The following PACRGL variants were observed in gnomAD, a reference collection of about 807,000 sequenced individuals.
The protein encoded by PACRGL is parkin coregulated like.
In PACRGL, 38 loss-of-function variants were observed where a neutral mutation model predicts 34.5. The ratio of observed to expected loss-of-function variants is 1.10; its 90% confidence interval spans 0.85 to 1.44. The LOEUF is 1.44. Ranked by LOEUF, PACRGL falls within the 40% of genes most tolerant of loss-of-function variation. PACRGL has a pLI of 0.00. For synonymous variants in PACRGL, 128 were observed against 100.1 expected, an observed-to-expected ratio of 1.28 and a Z score of -1.66; for missense variants, 305 against 281.4, an observed-to-expected ratio of 1.08 and a Z score of -0.60.
intron 1 of PACRGL, chr4:20,701,864 C>A (rs764183526): frequency 2.2e-6 from 1 of 456,366 alleles, no homozygotes; most frequent in South Asian, 1.5e-5. Flanking sequence ...TACGGAGAGC[C>A]AACTGTAATT....
At chr4:20,735,076 CA>C (rs1290488472), downstream of PACRGL, among the ~76,000 whole-genome samples, 2 of 151,790 alleles carry the variant, frequency 1.3e-5, no homozygotes, top group Non-Finnish European at 2.9e-5. Flanking sequence ...ATAGTTTTTT[CA>C]AAAAAATACA....
At chr4:20,721,716 G>A (rs1012859970) in intron 7 of PACRGL, among the ~76,000 whole-genome samples, 4 of 152,224 alleles carry the variant, frequency 2.6e-5, no homozygotes, top group Admixed American at 6.5e-5. Context: ...TCGGCCGTGT[G>A]AGGTGTCAGT....
intron 8 of PACRGL, among the ~76,000 whole-genome samples, chr4:20,742,963 A>G (rs1045195712): frequency 6.6e-6 from 1 of 152,126 alleles, no homozygotes; most frequent in South Asian, 2.1e-4. Flanking sequence ...TCCCATTCAC[A>G]ATTGCTTCAA....
downstream of PACRGL, among the ~76,000 whole-genome samples, chr4:20,733,941 A>C (rs1748974237): frequency 6.6e-6 from 1 of 152,056 alleles, no homozygotes. Flanking sequence ...GGCCCTGGGC[A>C]CCTTTTGTCT....
In PACRGL at chr4:20,741,051, G is replaced by A. The variant is rs1010526964; in HGVS notation, c.*57-11514G>A. The stretch of plus-strand genomic sequence containing the variant: ...CCTAAATATATATGCACCAATACAG[G>A]AGCACCCAGATTCATAAAACAAGTC... On this transcript the variant is annotated intron_variant, in intron 8 of 8. Coordinates refer to the PACRGL transcript ENST00000507634. Among the ~76,000 whole-genome samples the A allele has an allele frequency of 2.6e-5, 4 of 152,214 alleles. No homozygotes were observed. The South Asian group carries it at 8.3e-4, about 32-fold the overall frequency.
intron 5 of PACRGL, 41 bp from the exon 6 acceptor site, chr4:20,712,746 TG>T (rs778169628): frequency 1.5e-6 from 2 of 1,379,164 alleles, no homozygotes; most frequent in Non-Finnish European, 1.9e-6. Context: ...ATTAGCATAA[TG>T]AAATGGGTAG....
At chr4:20,737,549 G>A (rs1749943186), downstream of PACRGL, among the ~76,000 whole-genome samples, 1 of 152,142 alleles carries the variant, frequency 6.6e-6, no homozygotes, top group Admixed American at 6.5e-5. Context: ...AACATGGTGT[G>A]GATGCCAGCA....
In PACRGL at chr4:20,704,749, C is replaced by G. The variant is rs1372317670; in HGVS notation, c.142C>G (p.Pro48Ala). 1.2e-5 allele frequency: 20 copies of G among 1,613,948 alleles called. No individual in the cohort carries two copies. Among genetic ancestry groups the G allele is most frequent in the Non-Finnish European group, 1.7e-5 (20 of 1,179,948 alleles). The change falls in exon 3 of 9, where the codon CCA (proline) becomes GCA (alanine). Residue 48 changes from proline to alanine, a missense_variant. Transcript: ENST00000503585. ...GSKSSLSTSS[P>A]ESARKLHPRP... ...CAAATCCTCATTGTCAACCAGTTCT[C>G]CAGAGTCTGCAAGAAAACTTCATCC...
At chr4:20,724,658 G>A in intron 7 of PACRGL, 150 bp from the exon 8 acceptor site, 1 of 409,016 alleles carries the variant, frequency 2.4e-6, no homozygotes, top group Non-Finnish European at 4.3e-6. Context: ...AAATACAGAG[G>A]TACCTTATAC....
At chr4:20,743,889 T>C (rs1293572897) in intron 8 of PACRGL, among the ~76,000 whole-genome samples, 3 of 150,716 alleles carry the variant, frequency 2.0e-5, no homozygotes, top group African/African-American at 4.9e-5. Flanking sequence ...AGGGCTAATA[T>C]CCAGAATCTA....
At chr4:20,701,454 T>C (rs1732146037) in intron 1 of PACRGL, 1 of 158,780 alleles carries the variant, frequency 6.3e-6, no homozygotes, top group African/African-American at 2.4e-5. Context: ...AGAATGTTTA[T>C]CTTGTTTTGT....
intron 3 of PACRGL, among the ~76,000 whole-genome samples, chr4:20,705,737 G>A (rs904554023): frequency 6.6e-6 from 1 of 151,740 alleles, no homozygotes; most frequent in African/African-American, 2.4e-5. Flanking sequence ...TTAGTCCTAA[G>A]TTTTAGTAAA....
intron 5 of PACRGL, 93 bp from the exon 6 acceptor site, chr4:20,712,695 T>C: frequency 2.7e-6 from 3 of 1,115,804 alleles, no homozygotes; most frequent in South Asian, 3.3e-5. Context: ...AATGAAATTT[T>C]TGATTTTTGT....
intron 8 of PACRGL, among the ~76,000 whole-genome samples, chr4:20,739,152 T>G (rs1750437836): frequency 6.6e-6 from 1 of 152,180 alleles, no homozygotes; most frequent in African/African-American, 2.4e-5. Flanking sequence ...ATGCCACCTC[T>G]GGGGGCAGGT....
chr4:20,713,337 T>C, intron 6 of PACRGL, 95 bp from the exon 7 acceptor site: 1 of 855,104 alleles, frequency 1.2e-6, no homozygotes, highest in East Asian at 2.6e-5. Context: ...TATCCTTTTC[T>C]CTACTTGCTT....
chr4:20,758,641 A>G, the PACRGL span, among the ~76,000 whole-genome samples: 35 of 152,338 alleles, frequency 2.3e-4, no homozygotes, highest in African/African-American at 8.2e-4. Context: ...TGGATATTTG[A>G]TAATTTCTAA....
At chr4:20,748,597 TATATATA>T (rs1752939459) in intron 8 of PACRGL, among the ~76,000 whole-genome samples, 2 of 104,480 alleles carry the variant, frequency 1.9e-5, no homozygotes, top group East Asian at 2.5e-4. Flanking sequence ...TATATATATA[TATATATA>T]TTCCATAAGT....
At chr4:20,701,940 A>C in intron 1 of PACRGL, 3 of 455,262 alleles carry the variant, frequency 6.6e-6, no homozygotes, top group Non-Finnish European at 1.3e-5. Flanking sequence ...AAATTCTCTA[A>C]TACAGGATTT....
At chr4:20,733,171 C>T (rs142796305), downstream of PACRGL, among the ~76,000 whole-genome samples, 154 of 152,108 alleles carry the variant, frequency 1.0e-3, no homozygotes, top group African/African-American at 3.3e-3. Flanking sequence ...ATCAAATATA[C>T]GGCACATCGT....
Sources: allele counts gnomAD v4.1 joint callset (sites outside exome capture counted in the v4.1 genomes callset), GRCh38; gene constraint gnomAD v4.1.1; transcripts MANE v1.5; gene names NCBI Gene and HGNC (gene_info 2026-07-23, HGNC 2026-07-21).